Variants in PLCL1 observed in about 807,000 individuals in gnomAD.
The protein encoded by PLCL1 is phospholipase C like 1 (inactive), also known as inactive phospholipase C-like protein 1.
A neutral mutation model predicts 84.4 loss-of-function variants in PLCL1; 41 were observed. The ratio of observed to expected loss-of-function variants is 0.49; its 90% confidence interval spans 0.38 to 0.63. PLCL1 has a LOEUF of 0.63. Ranked by LOEUF, PLCL1 falls within the 30% of genes least tolerant of loss-of-function variation. The pLI is 0.00. For missense variants in PLCL1, 1,206 were observed against 1,367.8 expected (o/e 0.88, Z 1.87); for synonymous variants, 490 against 488.3 (o/e 1.00, Z -0.05).
intron 1 of PLCL1, among the ~76,000 whole-genome samples, chr2:198,023,664 C>T (rs577548582): frequency 3.3e-5 from 5 of 152,288 alleles, no homozygotes; most frequent in East Asian, 3.9e-4. Flanking sequence ...CATCACTGGT[C>T]GTTAGAGAAA....
chr2:198,070,587 G>A (rs1221205215), intron 1 of PLCL1, among the ~76,000 whole-genome samples: 1 of 151,838 alleles, frequency 6.6e-6, no homozygotes, highest in Non-Finnish European at 1.5e-5. Flanking sequence ...ATATTTAAGG[G>A]CTATTTTTAC....
chr2:197,923,103 G>A (rs556534455), intron 1 of PLCL1, among the ~76,000 whole-genome samples: 1 of 142,584 alleles, frequency 7.0e-6, no homozygotes, highest in African/African-American at 2.6e-5. Flanking sequence ...CTCCCTACCG[G>A]ACGGGGCGGC....
At chr2:198,046,209 C>A (rs1320108337) in intron 1 of PLCL1, among the ~76,000 whole-genome samples, 1 of 152,166 alleles carries the variant, frequency 6.6e-6, no homozygotes, top group East Asian at 1.9e-4. Context: ...GCAAGAGGAG[C>A]TATCTAGACT....
intron 1 of PLCL1, among the ~76,000 whole-genome samples, chr2:198,031,769 T>C (rs766291325): frequency 3.9e-5 from 6 of 152,074 alleles, no homozygotes; most frequent in Admixed American, 6.6e-5. Context: ...GGATGCTCTT[T>C]GAATGTTTTT....
intron 1 of PLCL1, among the ~76,000 whole-genome samples, chr2:197,849,857 G>A (rs1328498311): frequency 6.6e-6 from 1 of 152,148 alleles, no homozygotes; most frequent in Non-Finnish European, 1.5e-5. Flanking sequence ...TCTCTGGGGA[G>A]ATTATTAAAG....
intron 1 of PLCL1, among the ~76,000 whole-genome samples, chr2:198,054,823 C>T (rs1374821764): frequency 6.6e-6 from 1 of 152,092 alleles, no homozygotes; most frequent in African/African-American, 2.4e-5. Context: ...TGGGGATGGC[C>T]AACATTGCTA....
intron 5 of PLCL1, among the ~76,000 whole-genome samples, chr2:198,145,654 T>C (rs1694500572): frequency 6.6e-6 from 1 of 152,236 alleles, no homozygotes; most frequent in Admixed American, 6.5e-5. Flanking sequence ...AAGCTGCTAT[T>C]AGAAGGATTT....
intron 1 of PLCL1, among the ~76,000 whole-genome samples, chr2:197,914,332 ATT>A (rs111348712): frequency 3.4e-5 from 5 of 145,190 alleles, no homozygotes; most frequent in Non-Finnish European, 3.0e-5. Context: ...TTTTTATGTT[ATT>A]TTTTTTTTTT....
chr2:197,890,623 G>T (rs1687995845), intron 1 of PLCL1, among the ~76,000 whole-genome samples: 1 of 147,772 alleles, frequency 6.8e-6, no homozygotes, highest in Admixed American at 6.7e-5. Context: ...TAACATTTTG[G>T]TGTATATTCT....
chr2:197,942,758 A>C (rs535404117), intron 1 of PLCL1, among the ~76,000 whole-genome samples: 9 of 152,328 alleles, frequency 5.9e-5, no homozygotes, highest in African/African-American at 2.2e-4. Context: ...TGATGTGTTC[A>C]TCACAGGTTC....
intron 1 of PLCL1, among the ~76,000 whole-genome samples, chr2:197,988,708 T>C (rs941491268): frequency 6.6e-6 from 1 of 152,228 alleles, no homozygotes; most frequent in Non-Finnish European, 1.5e-5. Flanking sequence ...CTTTTTGATA[T>C]AATAACTTCT....
intron 1 of PLCL1, among the ~76,000 whole-genome samples, chr2:198,034,116 G>A (rs1019546375): frequency 1.3e-5 from 2 of 152,038 alleles, no homozygotes; most frequent in African/African-American, 2.4e-5. Flanking sequence ...ATTTACGTTA[G>A]GTATATCTCC....
intron 1 of PLCL1, among the ~76,000 whole-genome samples, chr2:197,920,738 C>T (rs1688684995): frequency 6.6e-6 from 1 of 152,162 alleles, no homozygotes; most frequent in Non-Finnish European, 1.5e-5. Flanking sequence ...AATGACTTGG[C>T]ATATTTTCTA....
chr2:197,882,937 G>A (rs1017651455), intron 1 of PLCL1, among the ~76,000 whole-genome samples: 1 of 152,164 alleles, frequency 6.6e-6, no homozygotes, highest in Non-Finnish European at 1.5e-5. Flanking sequence ...CAGACATAAT[G>A]TTAAGTGAGA....
Position 198,033,737 on chromosome 2 carries a change from C to G in PLCL1, c.241-50021C>G, listed in dbSNP as rs528204653. Among the ~76,000 whole-genome samples the G allele has an allele frequency of 2.0e-3, 311 of 152,266 alleles. 4 individuals are homozygous for G. The highest frequency in any genetic ancestry group is 3.8e-4 in the Non-Finnish European group (26 of 68,020). On this transcript the variant is annotated intron_variant, in intron 1 of 5. Transcript: ENST00000428675. ...AACTTTCTTTAACTTTCCTGATTCTCCGTTTACGTGATTTATTGCTGCTGC... is the reference window on the plus strand; with the variant it reads ...AACTTTCTTTAACTTTCCTGATTCTGCGTTTACGTGATTTATTGCTGCTGC...
chr2:198,041,525 G>A (rs1029503218), intron 1 of PLCL1, among the ~76,000 whole-genome samples: 2 of 152,096 alleles, frequency 1.3e-5, no homozygotes, highest in African/African-American at 4.8e-5. Context: ...AGGAACTGAG[G>A]CATACAAATG....
chr2:197,844,499 C>T (rs79163628), intron 1 of PLCL1, among the ~76,000 whole-genome samples: 2,267 of 152,172 alleles, frequency 0.015, 64 homozygotes, highest in African/African-American at 0.052. Context: ...CCATATTCTG[C>T]ATCTTAAATG....
rs577358049 is a variant in PLCL1 at position 197,817,368 on chromosome 2, G to A, written c.240+12029G>A. ...AACTGATGTTTCTATGTGCGTGTGC[G>A]TGTGCACGTGTGTGTGTGTGTGTAT... On this transcript the variant is annotated intron_variant, in intron 1 of 5. Transcript: ENST00000428675. Among the ~76,000 whole-genome samples, 6 of 151,566 alleles carry A rather than the reference G, an allele frequency of 4.0e-5. No homozygotes were observed. The East Asian group carries it at 9.7e-4, about 24-fold the overall frequency.
chr2:198,006,671 G>T (rs971203099), intron 1 of PLCL1, among the ~76,000 whole-genome samples: 6 of 152,146 alleles, frequency 3.9e-5, no homozygotes, highest in African/African-American at 9.7e-5. Flanking sequence ...TCCTGGAGAG[G>T]CTGCTGATAT....
Sources: gnomAD v4.1 joint callset for allele counts (sites outside exome capture counted in the v4.1 genomes callset) on GRCh38, gnomAD v4.1.1 for gene constraint, MANE v1.5 for transcripts, NCBI Gene and HGNC (gene_info 2026-07-23, HGNC 2026-07-21) for gene names.